Variants in ERG observed in about 807,000 individuals in gnomAD.
The protein encoded by ERG is ETS transcription factor ERG, also known as transcriptional regulator ERG.
In ERG, 9 loss-of-function variants were observed where a neutral mutation model predicts 55.3. That is an observed-to-expected ratio of 0.16 (90% CI 0.10 to 0.28). The LOEUF is 0.28. Ranked by LOEUF, ERG falls within the 10% of genes least tolerant of loss-of-function variation. The pLI is 1.00. For synonymous variants in ERG, 223 were observed against 237.3 expected (o/e 0.94, Z 0.55); for missense variants, 434 against 631.6 (o/e 0.69, Z 3.35).
chr21:38,402,895 T>C (rs1474804365), intron 4 of ERG, among the ~76,000 whole-genome samples: 1 of 152,106 alleles, frequency 6.6e-6, no homozygotes, highest in Non-Finnish European at 1.5e-5. Flanking sequence ...GGCAAAGCAA[T>C]GGAGGAGAAT....
rs572486373 is a variant in ERG at position 38,395,135 on chromosome 21, G to A, written c.746-2691C>T. On this transcript the variant is annotated intron_variant, in intron 6 of 9. Transcript: ENST00000288319. ...CACATGTTCATAAACATATTGCCGC[G>A]GAAGATAAGTGGGCTTTTGTTTTCT... 1.5e-4 allele frequency among the ~76,000 whole-genome samples: 23 copies of A among 152,248 alleles called. 1 individual carries two copies. Among genetic ancestry groups the A allele is most frequent in the Non-Finnish European group, 1.6e-4 (11 of 68,018 alleles).
chr21:38,460,141 G>C lies in ERG; in HGVS notation c.19-14520C>G, dbSNP rs151146248. ...GGCCTTCCAGCCTTGGCAACAGCTA[G>C]AACAAGGCCAGAGTGGACTGCGGGG... On this transcript the variant is annotated intron_variant, in intron 1 of 9. Coordinates refer to ENST00000288319, the MANE Select transcript of ERG (RefSeq NM_182918.4). The surrounding 1 kb of genome is among the most constrained non-coding windows in gnomAD (Gnocchi z 5.0). 6.3e-3 allele frequency among the ~76,000 whole-genome samples: 957 copies of C among 152,304 alleles called. 5 individuals are homozygous for C. Among genetic ancestry groups the C allele is most frequent in the Non-Finnish European group, 0.011 (749 of 68,028 alleles).
intron 1 of ERG, among the ~76,000 whole-genome samples, chr21:38,581,812 G>T (rs1323931428): frequency 6.6e-6 from 1 of 152,178 alleles, no homozygotes; most frequent in Non-Finnish European, 1.5e-5. Context: ...GGGAGGCCGA[G>T]GAGGGTGGAT....
At chr21:38,411,371 G>A (rs181760354) in intron 3 of ERG, among the ~76,000 whole-genome samples, 1 of 152,276 alleles carries the variant, frequency 6.6e-6, no homozygotes, top group African/African-American at 2.4e-5. Flanking sequence ...AGGCTGGAGA[G>A]CAGTGGCATG....
At chr21:38,605,446 A>C (rs547138416) in intron 1 of ERG, among the ~76,000 whole-genome samples, 1 of 152,290 alleles carries the variant, frequency 6.6e-6, no homozygotes, top group South Asian at 2.1e-4. Context: ...GAGAAAATCT[A>C]ACCACCACCA....
chr21:38,537,849 C>A (rs2059723082), intron 2 of ERG, among the ~76,000 whole-genome samples: 1 of 152,164 alleles, frequency 6.6e-6, no homozygotes, highest in Admixed American at 6.5e-5. Context: ...TTTGCACATC[C>A]ATGTTCATAG....
chr21:38,626,067 G>A (rs369167764), intron 1 of ERG, among the ~76,000 whole-genome samples: 180 of 151,792 alleles, frequency 1.2e-3, no homozygotes, highest in African/African-American at 3.8e-3. Context: ...GCCTACAGGC[G>A]CCTGCTACCA....
At chr21:38,567,741 C>G (rs2059931779) in intron 2 of ERG, among the ~76,000 whole-genome samples, 1 of 152,222 alleles carries the variant, frequency 6.6e-6, no homozygotes, top group African/African-American at 2.4e-5. Flanking sequence ...GTGAAATCCA[C>G]CCTTCGCCAT....
chr21:38,660,191 T>A (rs894485970), intron 1 of ERG, among the ~76,000 whole-genome samples: 14 of 152,276 alleles, frequency 9.2e-5, no homozygotes, highest in Admixed American at 9.1e-4. Flanking sequence ...AAGCGTCAGC[T>A]TTTTTAGTTC....
At chr21:38,480,469 A>AT (rs1243115286) in intron 1 of ERG, among the ~76,000 whole-genome samples, 1 of 151,882 alleles carries the variant, frequency 6.6e-6, no homozygotes, top group Non-Finnish European at 1.5e-5. Context: ...AACAGAATAA[A>AT]TTTCTCTTGC....
chr21:38,640,316 TAC>T lies in ERG; in HGVS notation c.-150+21340_-150+21341del, dbSNP rs1336053025. 5.3e-5 allele frequency among the ~76,000 whole-genome samples: 8 copies of T among 152,332 alleles called. No homozygotes were observed. The East Asian group carries it at 1.3e-3, about 26-fold the overall frequency. On this transcript the variant is annotated intron_variant, in intron 1 of 10. Transcript: ENST00000398910. Reference sequence around the variant, plus strand: ...TATCAACTTAACCAACATTATGATTTACCTACATTGGAAGGATGGAGAAACAG... The same window carrying T: ...TATCAACTTAACCAACATTATGATTTCTACATTGGAAGGATGGAGAAACAG...
chr21:38,384,354 C>CTT, intron 9 of ERG, among the ~76,000 whole-genome samples: 1 of 152,360 alleles, frequency 6.6e-6, no homozygotes, highest in Middle Eastern at 3.4e-3. Flanking sequence ...TTCTCTCTCT[C>CTT]CTGAGAACAT....
chr21:38,409,609 C>T (rs569473963), intron 3 of ERG, among the ~76,000 whole-genome samples: 8 of 151,422 alleles, frequency 5.3e-5, no homozygotes, highest in African/African-American at 1.7e-4. Flanking sequence ...GGATTAACAG[C>T]GAGGATTTTG....
At chr21:38,422,927 C>A (rs919341382) in intron 3 of ERG, among the ~76,000 whole-genome samples, 3 of 152,258 alleles carry the variant, frequency 2.0e-5, no homozygotes, top group South Asian at 4.1e-4. Context: ...TCATGAAGGA[C>A]AGGATATTTG....
intron 1 of ERG, among the ~76,000 whole-genome samples, chr21:38,455,771 T>TC (rs1402490138): frequency 6.6e-6 from 1 of 151,476 alleles, no homozygotes; most frequent in Admixed American, 6.6e-5. Context: ...GGTGTCACTC[T>TC]CATGCCTTCA....
intron 1 of ERG, among the ~76,000 whole-genome samples, chr21:38,454,110 T>C (rs2096504): frequency 0.92 from 139,598 of 152,220 alleles, 64,086 homozygotes; most frequent in South Asian, 0.98. Flanking sequence ...TAATCACTGT[T>C]ATACGTTACT....
chr21:38,640,160 T>G (rs1374315919), intron 1 of ERG, among the ~76,000 whole-genome samples: 4 of 152,172 alleles, frequency 2.6e-5, no homozygotes. Flanking sequence ...TTGAAAATCA[T>G]TGAAAATCAA....
intron 2 of ERG, among the ~76,000 whole-genome samples, chr21:38,551,133 G>T (rs1266154283): frequency 3.3e-5 from 5 of 150,334 alleles, no homozygotes; most frequent in Non-Finnish European, 7.4e-5. Context: ...TTTGTGCACA[G>T]AAATGTTTTT....
intron 3 of ERG, among the ~76,000 whole-genome samples, chr21:38,419,936 T>C (rs1989460763): frequency 6.6e-6 from 1 of 152,140 alleles, no homozygotes; most frequent in South Asian, 2.1e-4. Context: ...ACAGTACAAA[T>C]TTCCTCATCA....
Sources: gnomAD v4.1 joint callset for allele counts (sites outside exome capture counted in the v4.1 genomes callset) on GRCh38, gnomAD v4.1.1 for gene constraint, Gnocchi (gnomAD v3.1) non-coding constraint, MANE v1.5 for transcripts, NCBI Gene and HGNC (gene_info 2026-07-23, HGNC 2026-07-21) for gene names.